The following GABRG3 variants were observed in gnomAD, a reference collection of about 807,000 sequenced individuals.
The protein encoded by GABRG3 is gamma-aminobutyric acid type A receptor subunit gamma3, also known as gamma-aminobutyric acid receptor subunit gamma-3.
A neutral mutation model predicts 48.8 loss-of-function variants in GABRG3; 25 were observed. The ratio of observed to expected loss-of-function variants is 0.51; its 90% CI spans 0.37 to 0.72. GABRG3 has a LOEUF of 0.72. GABRG3 is among the 30% of genes least tolerant of loss of function. The pLI is 0.00. For synonymous variants in GABRG3, 227 were observed against 217.6 expected (o/e 1.04, Z -0.38); for missense variants, 394 against 577.9 (o/e 0.68, Z 3.26).
At chr15:27,373,040 T>C (rs1042286785) in intron 5 of GABRG3, among the ~76,000 whole-genome samples, 3 of 152,020 alleles carry the variant, frequency 2.0e-5, no homozygotes, top group African/African-American at 7.3e-5. Context: ...CTTTACAGTA[T>C]TGTAAAAGAG....
chr15:27,031,331 C>T (rs942507012), intron 3 of GABRG3, among the ~76,000 whole-genome samples: 14 of 152,178 alleles, frequency 9.2e-5, no homozygotes, highest in Non-Finnish European at 1.9e-4. Context: ...TTATCCCTTC[C>T]TATCCCCAGA....
intron 3 of GABRG3, among the ~76,000 whole-genome samples, chr15:27,259,310 A>C (rs1338095172): frequency 6.6e-6 from 1 of 152,106 alleles, no homozygotes; most frequent in Admixed American, 6.5e-5. Flanking sequence ...GCTTCCTGAC[A>C]TCTGCCACTC....
intron 3 of GABRG3, among the ~76,000 whole-genome samples, chr15:27,298,024 A>G (rs1031575600): frequency 6.6e-6 from 1 of 152,100 alleles, no homozygotes; most frequent in African/African-American, 2.4e-5. Flanking sequence ...ACATCAGAAA[A>G]TATCCACTTA....
At chr15:27,306,656 ATG>A (rs1172598729) in intron 3 of GABRG3, among the ~76,000 whole-genome samples, 3,109 of 62,554 alleles carry the variant, frequency 0.05, 411 homozygotes, top group African/African-American at 0.18. Flanking sequence ...AAACATATAT[ATG>A]AACATGTTTA....
At chr15:27,445,214 G>C (rs1216565225) in intron 5 of GABRG3, among the ~76,000 whole-genome samples, 1 of 152,106 alleles carries the variant, frequency 6.6e-6, no homozygotes, top group Non-Finnish European at 1.5e-5. Context: ...TTTTACCTTG[G>C]CTAGAAGTGA....
intron 5 of GABRG3, among the ~76,000 whole-genome samples, chr15:27,456,122 C>T (rs1889268857): frequency 6.6e-6 from 1 of 152,160 alleles, no homozygotes; most frequent in Non-Finnish European, 1.5e-5. Flanking sequence ...ATTCTGTTTT[C>T]TGACTCACTA....
chr15:27,157,202 G>A (rs1898454111), intron 3 of GABRG3, among the ~76,000 whole-genome samples: 1 of 152,126 alleles, frequency 6.6e-6, no homozygotes, highest in South Asian at 2.1e-4. Context: ...TTATATTTGG[G>A]AAAAGAAAAA....
At chr15:27,138,371 A>G (rs1000460189) in intron 3 of GABRG3, among the ~76,000 whole-genome samples, 3 of 152,218 alleles carry the variant, frequency 2.0e-5, no homozygotes, top group African/African-American at 7.2e-5. Context: ...GGGCTGTACT[A>G]TAATATATAG....
At chr15:27,339,571 G>A (rs187853812) in intron 5 of GABRG3, among the ~76,000 whole-genome samples, 93 of 152,278 alleles carry the variant, frequency 6.1e-4, no homozygotes, top group African/African-American at 1.9e-3. Context: ...GCAGTCAGTC[G>A]GGCTGGCTGT....
At chr15:27,355,714 G>A (rs74004989) in intron 5 of GABRG3, among the ~76,000 whole-genome samples, 2,411 of 152,322 alleles carry the variant, frequency 0.016, 57 homozygotes, top group African/African-American at 0.056. Context: ...AAAGTGGGGG[G>A]AAACCCAGAT....
intron 3 of GABRG3, among the ~76,000 whole-genome samples, chr15:27,281,623 CTG>C (rs2140479866): frequency 6.6e-6 from 1 of 151,780 alleles, no homozygotes; most frequent in East Asian, 1.9e-4. Context: ...TTTTCGGACA[CTG>C]TACTTTTCCT....
At chr15:27,466,485 G>A (rs1247777983) in intron 5 of GABRG3, among the ~76,000 whole-genome samples, 1 of 152,124 alleles carries the variant, frequency 6.6e-6, no homozygotes, top group Non-Finnish European at 1.5e-5. Flanking sequence ...TTATTGCACA[G>A]AAACAAAAAT....
intron 3 of GABRG3, among the ~76,000 whole-genome samples, chr15:27,323,148 C>T (rs568660674): frequency 6.6e-6 from 1 of 152,164 alleles, no homozygotes; most frequent in Non-Finnish European, 1.5e-5. Context: ...TTGCCTTACC[C>T]TGTGTATAGA....
At chr15:27,401,778 AAC>A (rs1887482048) in intron 5 of GABRG3, among the ~76,000 whole-genome samples, 1 of 152,240 alleles carries the variant, frequency 6.6e-6, no homozygotes, top group Admixed American at 6.5e-5. Flanking sequence ...TCCCATATGG[AAC>A]TTACAAATTC....
intron 5 of GABRG3, among the ~76,000 whole-genome samples, chr15:27,344,222 T>C (rs1249729491): frequency 6.6e-6 from 1 of 152,202 alleles, no homozygotes; most frequent in Non-Finnish European, 1.5e-5. Flanking sequence ...ACACTCTTTC[T>C]TGTACTAGCA....
intron 3 of GABRG3, among the ~76,000 whole-genome samples, chr15:27,029,629 C>T (rs1320760746): frequency 2.6e-5 from 4 of 152,190 alleles, no homozygotes; most frequent in African/African-American, 7.2e-5. Context: ...TGTTCCTTCA[C>T]GCACATTTGC....
chr15:27,014,092 G>A (rs369540203), intron 2 of GABRG3, among the ~76,000 whole-genome samples: 6 of 151,922 alleles, frequency 3.9e-5, no homozygotes, highest in East Asian at 1.9e-4. Context: ...TACAATTGGC[G>A]TACAATTATT....
At position 27,535,656 on chromosome 15, in the gene GABRG3, T is replaced by C. The variant is rs1285373034; in HGVS notation, c.*2775T>C. The C allele has an allele frequency of 6.6e-6, 1 of 152,246 alleles. No individual in the cohort carries two copies. Among genetic ancestry groups the C allele is most frequent in the African/African-American group, 2.4e-5 (1 of 41,472 alleles). The allele number at this position is 152,246 out of a possible 1,614,324, so 9.4% of individuals were successfully genotyped here. ...AGAGCTAAAGCACCCCCTAAGAGCA[T>C]GTCCATGCCGGGTTCTCCGCAGGCT... On this transcript the variant is annotated 3_prime_UTR_variant, in exon 10 of 10. Transcript: ENST00000615808.
intron 3 of GABRG3, among the ~76,000 whole-genome samples, chr15:27,150,715 C>G (rs775871295): frequency 6.6e-6 from 1 of 152,200 alleles, no homozygotes; most frequent in African/African-American, 2.4e-5. Context: ...TTAGTGAGTA[C>G]CTCACACAAC....
Sources: allele counts gnomAD v4.1 joint callset (sites outside exome capture counted in the v4.1 genomes callset), GRCh38; gene constraint gnomAD v4.1.1; transcripts MANE v1.5; gene names NCBI Gene and HGNC (gene_info 2026-07-23, HGNC 2026-07-21).